Variants in MSRA observed in about 807,000 individuals in gnomAD.
MSRA encodes the protein methionine sulfoxide reductase A.
MSRA carries 54 observed loss-of-function variants against 31.3 expected under a neutral mutation model. That is an observed-to-expected ratio of 1.73 (90% CI 1.39 to 2.17). The LOEUF (loss-of-function observed/expected upper bound fraction) is 2.17, where lower values mean the gene tolerates loss of function less well. Ranked by LOEUF, MSRA falls within the 30% of genes most tolerant of loss-of-function variation. The pLI is 0.00. For synonymous variants in MSRA, 169 were observed against 116.5 expected, an observed-to-expected ratio of 1.45 and a Z score of -2.90; for missense variants, 507 against 300.9, an observed-to-expected ratio of 1.69 and a Z score of -5.07.
At chr8:10,165,733 C>T (rs1805067445) in intron 1 of MSRA, among the ~76,000 whole-genome samples, 1 of 152,202 alleles carries the variant, frequency 6.6e-6, no homozygotes, top group African/African-American at 2.4e-5. Flanking sequence ...GAATCTGAGC[C>T]TCAGTTTCCC....
intron 1 of MSRA, among the ~76,000 whole-genome samples, chr8:10,139,922 A>G (rs1393866499): frequency 1.3e-5 from 2 of 152,136 alleles, no homozygotes; most frequent in Non-Finnish European, 1.5e-5. Flanking sequence ...TGTAGGGGAG[A>G]GAAGATTTCT....
intron 2 of MSRA, among the ~76,000 whole-genome samples, chr8:10,229,523 C>T (rs1475564138): frequency 6.6e-6 from 1 of 152,230 alleles, no homozygotes. Flanking sequence ...AGGAGCAGCT[C>T]TGACCTCGAG....
At chr8:10,067,240 T>G (rs1478553096) in intron 1 of MSRA, among the ~76,000 whole-genome samples, 1 of 152,208 alleles carries the variant, frequency 6.6e-6, no homozygotes, top group African/African-American at 2.4e-5. Context: ...AGTCTTTGCT[T>G]TTTCCAGAAT....
intron 1 of MSRA, among the ~76,000 whole-genome samples, chr8:10,104,803 A>G (rs1799773923): frequency 6.6e-6 from 1 of 152,160 alleles, no homozygotes; most frequent in African/African-American, 2.4e-5. Context: ...TTTCAGGTTG[A>G]CTTTGGAATG....
At chr8:10,154,514 A>T (rs890170227) in intron 1 of MSRA, among the ~76,000 whole-genome samples, 1 of 152,028 alleles carries the variant, frequency 6.6e-6, no homozygotes, top group Non-Finnish European at 1.5e-5. Flanking sequence ...AGTAGCTGGT[A>T]CTACAGGCAC....
At position 10,422,555 on chromosome 8, in the gene MSRA, C is replaced by A. The variant is rs535382996; in HGVS notation, c.544-5593C>A. 6.0e-4 allele frequency among the ~76,000 whole-genome samples: 92 copies of A among 152,284 alleles called. No individual in the cohort carries two copies. In the Middle Eastern group the frequency reaches 0.02, roughly 34 times the overall value. On this transcript the variant is annotated intron_variant, in intron 5 of 5. Coordinates refer to ENST00000317173, the MANE Select transcript of MSRA (RefSeq NM_012331.5). ...CCCCACATGTGTTACTGTATGCAGT[C>A]CTGCTGACTTCTTTCTAAAAGGTCA...
intron 1 of MSRA, among the ~76,000 whole-genome samples, chr8:10,086,434 C>T (rs1798562005): frequency 6.6e-6 from 1 of 152,180 alleles, no homozygotes; most frequent in Non-Finnish European, 1.5e-5. Flanking sequence ...TGTATGAGGG[C>T]ACCTATGTTA....
chr8:10,281,241 T>G (rs1186522634), intron 3 of MSRA, among the ~76,000 whole-genome samples: 1 of 152,228 alleles, frequency 6.6e-6, no homozygotes, highest in Non-Finnish European at 1.5e-5. Flanking sequence ...AGCTCTAAAC[T>G]ACTTACTTTA....
intron 1 of MSRA, among the ~76,000 whole-genome samples, chr8:10,071,948 G>A (rs1165926308): frequency 6.6e-6 from 1 of 152,188 alleles, no homozygotes; most frequent in East Asian, 1.9e-4. Flanking sequence ...AGTTTCAGTA[G>A]TGCGTATGGG....
intron 5 of MSRA, among the ~76,000 whole-genome samples, chr8:10,391,719 C>T (rs1483094132): frequency 1.3e-5 from 2 of 152,200 alleles, no homozygotes; most frequent in African/African-American, 4.8e-5. Flanking sequence ...CTGCCACCTG[C>T]TTTCCCAGTC....
At chr8:10,352,307 T>G (rs576994257) in intron 5 of MSRA, among the ~76,000 whole-genome samples, 1 of 152,290 alleles carries the variant, frequency 6.6e-6, no homozygotes, top group South Asian at 2.1e-4. Flanking sequence ...AAAGACTGTG[T>G]ATGTATGTGT....
intron 1 of MSRA, among the ~76,000 whole-genome samples, chr8:10,152,714 G>A (rs181877167): frequency 2.6e-5 from 4 of 152,234 alleles, no homozygotes; most frequent in South Asian, 4.1e-4. Context: ...AATGAGTAAC[G>A]CACACTTCAT....
At chr8:10,317,772 G>T (rs1005968786) in intron 4 of MSRA, among the ~76,000 whole-genome samples, 1 of 152,172 alleles carries the variant, frequency 6.6e-6, no homozygotes, top group African/African-American at 2.4e-5. Context: ...CCAAGTGGAG[G>T]GCACAGTGAA....
chr8:10,223,426 G>C (rs1005177942), intron 2 of MSRA, among the ~76,000 whole-genome samples: 1 of 152,216 alleles, frequency 6.6e-6, no homozygotes, highest in Admixed American at 6.5e-5. Context: ...AAGTACATCA[G>C]CATTTGCGTC....
intron 3 of MSRA, among the ~76,000 whole-genome samples, chr8:10,276,854 T>G (rs1336401134): frequency 3.3e-5 from 5 of 152,208 alleles, no homozygotes; most frequent in Non-Finnish European, 5.9e-5. Flanking sequence ...TACATATGAT[T>G]TATCGTTCCC....
chr8:10,293,411 G>A (rs1483634963), intron 3 of MSRA, among the ~76,000 whole-genome samples: 10 of 152,176 alleles, frequency 6.6e-5, no homozygotes, highest in Admixed American at 3.3e-4. Context: ...CGCTTCCTCC[G>A]TGTGCGTCTG....
intron 1 of MSRA, among the ~76,000 whole-genome samples, chr8:10,147,449 G>C (rs1323587935): frequency 6.6e-6 from 1 of 152,162 alleles, no homozygotes; most frequent in Non-Finnish European, 1.5e-5. Context: ...CAACGTAGTG[G>C]CTGACTTCTC....
Position 10,299,611 on chromosome 8 carries a change from AAAG to A in MSRA, c.332-1917_332-1915del, listed in dbSNP as rs537551062. 2.0e-3 allele frequency among the ~76,000 whole-genome samples: 303 copies of A among 152,286 alleles called. 1 individual carries two copies. The highest frequency in any genetic ancestry group is 3.2e-3 in the Non-Finnish European group (217 of 68,006). ...TATAAAAGGACATGCCAATTAGAGC[AAAG>A]AAGAAATTAAAATTGCTAATAACCA... On this transcript the variant is annotated intron_variant, in intron 3 of 5. Transcript: ENST00000317173.
chr8:10,190,461 C>T (rs990363248), intron 1 of MSRA, among the ~76,000 whole-genome samples: 7 of 152,190 alleles, frequency 4.6e-5, no homozygotes, highest in Admixed American at 4.6e-4. Flanking sequence ...ATCTGCAATC[C>T]AGAGGGTGAT....
Sources: allele counts gnomAD v4.1 joint callset (sites outside exome capture counted in the v4.1 genomes callset), GRCh38; gene constraint gnomAD v4.1.1; transcripts MANE v1.5; gene names NCBI Gene and HGNC (gene_info 2026-07-23, HGNC 2026-07-21).